The following DNMT1 variants were observed in gnomAD, a reference collection of about 807,000 sequenced individuals.
DNMT1 encodes the protein DNA (cytosine-5)-methyltransferase 1.
A neutral mutation model predicts 205.3 loss-of-function variants in DNMT1; 24 were observed. The observed-to-expected ratio is 0.12, with a 90% confidence interval of 0.08 to 0.16. The LOEUF (loss-of-function observed/expected upper bound fraction) is 0.16, where lower values mean the gene tolerates loss of function less well. DNMT1 is among the 10% of genes least tolerant of loss of function. The pLI, the probability that DNMT1 is intolerant of heterozygous loss-of-function variation, is 1.00. For missense variants in DNMT1, 1,293 were observed against 2,177.7 expected (o/e 0.59, Z 8.09); for synonymous variants, 817 against 839.8 (o/e 0.97, Z 0.47).
intron 1 of DNMT1, among the ~76,000 whole-genome samples, chr19:10,185,316 T>A (rs2145395358): frequency 6.6e-6 from 1 of 151,694 alleles, no homozygotes; most frequent in African/African-American, 2.4e-5. Flanking sequence ...TCCCAGCTAC[T>A]CAGGAGGCTG....
chr19:10,135,859 GA>G lies in DNMT1; in HGVS notation c.4657-8del. 6.5e-7 allele frequency: 1 copy of G among 1,547,162 alleles called. No homozygotes were observed. ...CTGGGTGGAGCACGCGGCCCTGGGG[GA>G]AAGAGGCGCGGTGGGCGAGGGCAGT... is the stretch of plus-strand genomic sequence containing the variant. On this transcript the variant is annotated splice_polypyrimidine_tract_variant and splice_region_variant and intron_variant, in intron 38 of 40. Transcript: ENST00000359526.
rs1171762278 is a variant in DNMT1, at chr19:10,137,500, T to C, written c.4294-220A>G. ...AGCGTGGGAATCTAAGCTGAGCCTT[T>C]AGGGTGGGGGAAGGGGAGTGGTGCC... On this transcript the variant is annotated intron_variant, in intron 36 of 40. Coordinates refer to ENST00000359526, the MANE Select transcript of DNMT1 (RefSeq NM_001130823.3). This position sits in a 1 kb window ranked among gnomAD's most constrained non-coding sequence, Gnocchi z 6.4. The C allele has an allele frequency of 4.6e-6, 3 of 655,170 alleles. No individual in the cohort carries two copies. The highest frequency in any genetic ancestry group is 7.8e-6 in the Non-Finnish European group (3 of 383,682). The allele number at this position is 655,170 out of a possible 1,614,324, so 40.6% of individuals were successfully genotyped here.
chr19:10,140,434 A>C lies in DNMT1; in HGVS notation c.3524-106T>G, dbSNP rs1321824649. 5.4e-6 allele frequency: 8 copies of C among 1,482,156 alleles called. No individual in the cohort carries two copies. The highest frequency in any genetic ancestry group is 1.8e-6 in the Non-Finnish European group (2 of 1,100,506). The allele number at this position is 1,482,156 out of a possible 1,614,324, so 91.8% of individuals were successfully genotyped here. A position where few individuals can be genotyped will look rare whatever the true frequency, so the allele number is the denominator to read the frequency against. On this transcript the variant is annotated intron_variant, in intron 32 of 40. Coordinates refer to ENST00000359526, the MANE Select transcript of DNMT1 (RefSeq NM_001130823.3). The surrounding 1 kb of genome is among the most constrained non-coding windows in gnomAD (Gnocchi z 8.4). ...ACCCAGGCTGGAGTGCAGTGGTGTG[A>C]TCTTGGCTCACTGCAAGCTCTGCCT... is the stretch of plus-strand genomic sequence containing the variant.
At chr19:10,185,942 G>C (rs1395802238) in intron 1 of DNMT1, among the ~76,000 whole-genome samples, 3 of 152,064 alleles carry the variant, frequency 2.0e-5, no homozygotes, top group Non-Finnish European at 4.4e-5. Context: ...AGCAACTGGG[G>C]TCCAAGGAGA....
In DNMT1 at chr19:10,138,070, C is replaced by T; in HGVS notation, c.4116-61G>A. ...GCACGCAGCAGCTGTCCCCTCATCACAGGTGCCACCCCCTGCCTGCTCAGA... is the reference window on the plus strand; with the variant it reads ...GCACGCAGCAGCTGTCCCCTCATCATAGGTGCCACCCCCTGCCTGCTCAGA... On this transcript the variant is annotated intron_variant, in intron 35 of 40. Transcript: ENST00000359526. This position sits in a 1 kb window ranked among gnomAD's most constrained non-coding sequence, Gnocchi z 4.1. The T allele has an allele frequency of 5.2e-6, 8 of 1,553,096 alleles. No homozygotes were observed. In the South Asian group the frequency reaches 9.3e-5, roughly 18 times the overall value.
intron 1 of DNMT1, among the ~76,000 whole-genome samples, chr19:10,190,270 G>A (rs1041079150): frequency 3.9e-5 from 6 of 152,144 alleles, no homozygotes; most frequent in Non-Finnish European, 8.8e-5. Context: ...CTGTACAGGG[G>A]AAGAGCTGGC....
At chr19:10,174,447 T>C (rs545078127) in intron 7 of DNMT1, among the ~76,000 whole-genome samples, 2 of 152,078 alleles carry the variant, frequency 1.3e-5, no homozygotes, top group South Asian at 4.2e-4. Flanking sequence ...AAGACAGAAC[T>C]GTAATCCCAA....
intron 1 of DNMT1, among the ~76,000 whole-genome samples, chr19:10,194,119 G>A (rs554390320): frequency 6.6e-6 from 1 of 152,316 alleles, no homozygotes; most frequent in Admixed American, 6.5e-5. Context: ...TACAGGAAAA[G>A]ACCAACCATG....
intron 7 of DNMT1, among the ~76,000 whole-genome samples, chr19:10,174,334 T>C (rs747147336): frequency 6.6e-6 from 1 of 152,014 alleles, no homozygotes; most frequent in East Asian, 1.9e-4. Context: ...GAGGATCGCT[T>C]AAGCCCAGGA....
intron 9 of DNMT1, among the ~76,000 whole-genome samples, chr19:10,168,722 G>C (rs1453233317): frequency 2.0e-5 from 3 of 152,190 alleles, no homozygotes; most frequent in Non-Finnish European, 4.4e-5. Flanking sequence ...TAGCCTCACA[G>C]AAAGTAACTT....
chr19:10,158,472 T>C (rs879400316), intron 17 of DNMT1, among the ~76,000 whole-genome samples: 8 of 152,120 alleles, frequency 5.3e-5, no homozygotes, highest in Admixed American at 2.6e-4. Flanking sequence ...TTCCCCCTCC[T>C]CTTCACAGAG....
rs1474694064 is a variant in DNMT1, at chr19:10,173,901, T to C, written c.653A>G (p.Glu218Gly). Reference sequence around the variant, plus strand: ...TCTGGATGTAACTCTACGTCTCTTCTCATCCTGTGTGGAGGGAAGGAAGAA... The same window carrying C: ...TCTGGATGTAACTCTACGTCTCTTCCCATCCTGTGTGGAGGGAAGGAAGAA... Reference protein sequence around the residue: ...SIKEEDKDQDEKRRRVTSRER... With the variant: ...SIKEEDKDQDGKRRRVTSRER... The change falls in exon 8 of 41, where the codon GAG (glutamate) becomes GGG (glycine). Residue 218 changes from glutamate to glycine, a missense_variant. Transcript: ENST00000359526. 1 of 1,613,980 alleles carries C rather than the reference T, an allele frequency of 6.2e-7. No homozygotes were observed. The highest frequency in any genetic ancestry group is 2.2e-5 in the East Asian group (1 of 44,888).
intron 9 of DNMT1, among the ~76,000 whole-genome samples, chr19:10,171,157 C>A (rs2038807962): frequency 6.6e-6 from 1 of 152,046 alleles, no homozygotes; most frequent in South Asian, 2.1e-4. Flanking sequence ...AAACAGGACC[C>A]AGCATCTGTA....
Position 10,154,702 on chromosome 19 carries a change from A to G in DNMT1, c.1716T>C (p.Phe572=). The part of the protein sequence containing the change: ...TEDSLLRHAQ[F]VVEQVESYDE... ...CATAACTCTCCACCTGCTCCACCACAAACTGCGCGTGTCGCAGGAGGGAGT... is the reference window on the plus strand; with the variant it reads ...CATAACTCTCCACCTGCTCCACCACGAACTGCGCGTGTCGCAGGAGGGAGT... The change falls in exon 21 of 41, where the codon TTT becomes TTC. Residue 572 remains phenylalanine (F), a synonymous_variant. Transcript: ENST00000359526. The surrounding 1 kb of genome is among the most constrained non-coding windows in gnomAD (Gnocchi z 6.3). 6.2e-7 allele frequency: 1 copy of G among 1,614,230 alleles called. No homozygotes were observed. Among genetic ancestry groups the G allele is most frequent in the Non-Finnish European group, 8.5e-7 (1 of 1,180,052 alleles).
intron 37 of DNMT1, 116 bp from the exon 38 acceptor site, chr19:10,136,403 G>A (rs766420905): frequency 1.5e-6 from 2 of 1,321,378 alleles, no homozygotes; most frequent in Non-Finnish European, 2.1e-6. Context: ...GGGCCCCCTG[G>A]GGTGGAGCAG....
At chr19:10,181,988 C>T (rs1159093182) in intron 2 of DNMT1, 53 bp downstream of exon 2, 7 of 1,522,292 alleles carry the variant, frequency 4.6e-6, no homozygotes, top group Non-Finnish European at 6.4e-6. Flanking sequence ...TTATGAGCCA[C>T]AAAGTGTGTC....
rs938372303 is a variant in DNMT1, at chr19:10,151,031, G to C, written c.2265+367C>G. On this transcript the variant is annotated intron_variant, in intron 24 of 40. Transcript: ENST00000359526. This position sits in a 1 kb window ranked among gnomAD's most constrained non-coding sequence, Gnocchi z 5.0. Reference sequence around the variant, plus strand: ...AATCGCTTGAACCTGGGAGGCAGAGGTTGCAGCGAGCTGAGATCGTGCCAC... The same window carrying C: ...AATCGCTTGAACCTGGGAGGCAGAGCTTGCAGCGAGCTGAGATCGTGCCAC... 6.6e-6 allele frequency among the ~76,000 whole-genome samples: 1 copy of C among 152,196 alleles called. No homozygotes were observed. Among genetic ancestry groups the C allele is most frequent in the African/African-American group, 2.4e-5 (1 of 41,438 alleles).
chr19:10,173,989 T>G, intron 7 of DNMT1, 84 bp from the exon 8 acceptor site: 1 of 1,355,376 alleles, frequency 7.4e-7, no homozygotes. Flanking sequence ...GTTGAAATAT[T>G]AACACATTTG....
In DNMT1 at chr19:10,136,023, G is replaced by A. The variant is rs913676280; in HGVS notation, c.4656+98C>T. On this transcript the variant is annotated intron_variant, in intron 38 of 40. Coordinates refer to ENST00000359526, the MANE Select transcript of DNMT1 (RefSeq NM_001130823.3). ...AGAGGCCAGGTGCCTGGGGTCCTGG[G>A]GTGCTGTCCCCCACTTGGCTAAACC... 7 of 1,560,580 alleles carry A rather than the reference G, an allele frequency of 4.5e-6. No homozygotes were observed. The African/African-American group carries it at 8.1e-5, about 18-fold the overall frequency.
Sources: gnomAD v4.1 joint callset for allele counts (sites outside exome capture counted in the v4.1 genomes callset) on GRCh38, gnomAD v4.1.1 for gene constraint, Gnocchi (gnomAD v3.1) non-coding constraint, MANE v1.5 for transcripts, NCBI Gene and HGNC (gene_info 2026-07-23, HGNC 2026-07-21) for gene names.